Variants in CRB1 observed in about 807,000 individuals in gnomAD.
CRB1 encodes the protein protein crumbs homolog 1.
A neutral mutation model predicts 120.0 loss-of-function variants in CRB1; 83 were observed. The observed-to-expected ratio is 0.69, with a 90% CI of 0.58 to 0.83. The LOEUF is 0.83. Among genes scored for constraint, CRB1 ranks in the 40% least tolerant of loss-of-function variants. The probability of loss-of-function intolerance (pLI) is 0.00; values close to 1 mark genes in which losing one functional copy is unlikely to be tolerated. For synonymous variants in CRB1, 625 were observed against 612.5 expected, an observed-to-expected ratio of 1.02 and a Z score of -0.30; for missense variants, 1,699 against 1,687.6, an observed-to-expected ratio of 1.01 and a Z score of -0.12.
chr1:197,469,914 G>A (rs61829440), intron 11 of CRB1, among the ~76,000 whole-genome samples: 8,672 of 152,056 alleles, frequency 0.057, 332 homozygotes, highest in Non-Finnish European at 0.09. Flanking sequence ...AATAATGCTC[G>A]TGTCTGGTTG....
rs142129159 is a variant in CRB1 at position 197,427,534 on chromosome 1, A to G, written c.2209A>G (p.Ile737Val). ...TCTTGATGAGAGCTATGGAGACACC[A>G]TCAGCCTCTCCATGTTTGTCCGAAC... ...FTLDESYGDT[I>V]SLSMFVRTLQ... Residue 737 changes from isoleucine to valine, a missense_variant, in exon 7 of 12, where the codon ATC becomes GTC. Transcript: ENST00000367400. 1.9e-6 allele frequency: 3 copies of G among 1,613,586 alleles called. No individual in the cohort carries two copies. The highest frequency in any genetic ancestry group is 4.5e-5 in the East Asian group (2 of 44,884).
chr1:197,202,580 C>T, the CRB1 span, among the ~76,000 whole-genome samples: 1 of 152,058 alleles, frequency 6.6e-6, no homozygotes, highest in Non-Finnish European at 1.5e-5. Flanking sequence ...TATCTTAGTA[C>T]TTAGAACGTT....
chr1:197,293,578 G>C (rs962743803), intron 1 of CRB1, among the ~76,000 whole-genome samples: 3 of 151,964 alleles, frequency 2.0e-5, no homozygotes, highest in Non-Finnish European at 4.4e-5. Flanking sequence ...AGTTCATATG[G>C]AACCAGAAAA....
At chr1:197,383,125 T>G (rs1396450890) in intron 5 of CRB1, among the ~76,000 whole-genome samples, 1 of 152,168 alleles carries the variant, frequency 6.6e-6, no homozygotes, top group Non-Finnish European at 1.5e-5. Context: ...TTTTGAGAAT[T>G]CTTGGCCCTC....
intron 5 of CRB1, among the ~76,000 whole-genome samples, chr1:197,359,395 G>A (rs1194385803): frequency 6.6e-6 from 1 of 151,706 alleles, no homozygotes; most frequent in Non-Finnish European, 1.5e-5. Flanking sequence ...GATTTATTGA[G>A]GTTGTGTGTA....
chr1:197,216,552 T>C, the CRB1 span, among the ~76,000 whole-genome samples: 19 of 152,344 alleles, frequency 1.2e-4, no homozygotes, highest in East Asian at 2.5e-3. Flanking sequence ...AAGTTTTTCA[T>C]TGGAGGAATC....
chr1:197,450,542 G>A (rs1205832179), intron 11 of CRB1, among the ~76,000 whole-genome samples: 1 of 151,912 alleles, frequency 6.6e-6, no homozygotes, highest in East Asian at 1.9e-4. Flanking sequence ...AAGGATAAAC[G>A]GATATTTTGT....
intron 11 of CRB1, among the ~76,000 whole-genome samples, chr1:197,467,157 A>T (rs1286169400): frequency 1.3e-5 from 2 of 152,194 alleles, no homozygotes; most frequent in South Asian, 2.1e-4. Context: ...TATTTTCCTT[A>T]TAAAAATTGT....
intron 4 of CRB1, among the ~76,000 whole-genome samples, chr1:197,354,838 GCCCACCCCCCCC>G (rs1660366569): frequency 6.7e-5 from 1 of 14,964 alleles, no homozygotes; most frequent in Non-Finnish European, 1.1e-4. Flanking sequence ...CCCCCCCCCC[GCCCACCCCCCCC>G]CCCCCGCCCA....
At chr1:197,261,509 C>A in the CRB1 span, among the ~76,000 whole-genome samples, 4 of 152,258 alleles carry the variant, frequency 2.6e-5, no homozygotes, top group Admixed American at 2.0e-4. Flanking sequence ...GAGTATCATA[C>A]TGTTATTTAA....
chr1:197,430,209 G>A (rs990199293), intron 8 of CRB1, among the ~76,000 whole-genome samples: 6 of 152,094 alleles, frequency 3.9e-5, no homozygotes, highest in African/African-American at 1.4e-4. Context: ...ATACTATACA[G>A]TATTCACAAT....
In CRB1 at chr1:197,427,349, ATG is replaced by A. The variant is rs553788116; in HGVS notation, c.2129-94_2129-93del. On this transcript the variant is annotated intron_variant, in intron 6 of 11. Coordinates refer to ENST00000367400, the MANE Select transcript of CRB1 (RefSeq NM_201253.3). ...TGTATGAGTGTGTATGCTTGTGTGCATGTGTGTGTGTGAAATGTATAATTTTC... is the reference window on the plus strand; with the variant it reads ...TGTATGAGTGTGTATGCTTGTGTGCATGTGTGTGTGAAATGTATAATTTTC... 285 of 845,214 alleles carry A rather than the reference ATG, an allele frequency of 3.4e-4. 2 individuals carry two copies. In the African/African-American group the frequency reaches 3.7e-3, roughly 11 times the overall value. The allele number at this position is 845,214 out of a possible 1,614,324, so 52.4% of individuals were successfully genotyped here.
intron 1 of CRB1, among the ~76,000 whole-genome samples, chr1:197,293,633 G>T (rs1273772826): frequency 6.6e-6 from 1 of 152,082 alleles, no homozygotes; most frequent in African/African-American, 2.4e-5. Context: ...GAACAAAGCT[G>T]AAGGCATCAT....
chr1:197,453,761 CTCT>C (rs1017646064), intron 11 of CRB1, among the ~76,000 whole-genome samples: 7 of 143,764 alleles, frequency 4.9e-5, no homozygotes, highest in Middle Eastern at 3.6e-3. Flanking sequence ...CTTCTACTTC[CTCT>C]TCTTCTTATT....
the CRB1 span, among the ~76,000 whole-genome samples, chr1:197,207,443 G>GA: frequency 1.3e-5 from 2 of 151,978 alleles, no homozygotes; most frequent in Admixed American, 6.6e-5. Flanking sequence ...TTGTTAGCCT[G>GA]AAAAAAGACT....
At chr1:197,227,659 C>A in the CRB1 span, among the ~76,000 whole-genome samples, 1 of 152,064 alleles carries the variant, frequency 6.6e-6, no homozygotes, top group Non-Finnish European at 1.5e-5. Flanking sequence ...TACAAGCTGT[C>A]AGTGGATCTA....
chr1:197,320,398 A>G (rs560508716), intron 1 of CRB1, among the ~76,000 whole-genome samples: 22 of 152,300 alleles, frequency 1.4e-4, no homozygotes, highest in Non-Finnish European at 2.8e-4. Flanking sequence ...TTGAGTTATA[A>G]TTCACTAGGT....
At chr1:197,402,755 A>G (rs961341698) in intron 5 of CRB1, among the ~76,000 whole-genome samples, 1 of 152,210 alleles carries the variant, frequency 6.6e-6, no homozygotes, top group Non-Finnish European at 1.5e-5. Context: ...AAAATTACAT[A>G]AACCAAGTAT....
chr1:197,394,932 G>A (rs967312957), intron 5 of CRB1, among the ~76,000 whole-genome samples: 2 of 151,930 alleles, frequency 1.3e-5, no homozygotes, highest in African/African-American at 4.8e-5. Flanking sequence ...TTTATGCCTC[G>A]GTTAGTTCCT....
Sources: gnomAD v4.1 joint callset for allele counts (sites outside exome capture counted in the v4.1 genomes callset) on GRCh38, gnomAD v4.1.1 for gene constraint, MANE v1.5 for transcripts, NCBI Gene and HGNC (gene_info 2026-07-23, HGNC 2026-07-21) for gene names.